Variants in OR1J2 observed in about 807,000 individuals in gnomAD.
OR1J2 encodes the protein olfactory receptor family 1 subfamily J member 2.
For missense variants in OR1J2, 304 were observed against 246.1 expected (o/e 1.24, Z -1.57); for synonymous variants, 142 against 99.7 (o/e 1.42, Z -2.52).
downstream of OR1J2, among the ~76,000 whole-genome samples, chr9:122,515,896 T>C (rs1466941852): frequency 2.6e-5 from 4 of 152,138 alleles, no homozygotes; most frequent in Admixed American, 6.5e-5. Context: ...CAACATCTAC[T>C]ACCCCAGTAA....
the OR1J2 span, chr9:122,568,218 A>G: frequency 1.2e-6 from 2 of 1,614,210 alleles, no homozygotes; most frequent in Admixed American, 1.7e-5. Flanking sequence ...CTTTTCTGAC[A>G]GGAAGTTCAT....
chr9:122,462,699 C>A, the OR1J2 span, among the ~76,000 whole-genome samples: 2,059 of 152,272 alleles, frequency 0.014, 19 homozygotes, highest in Middle Eastern at 0.024. Flanking sequence ...TCACTGGATA[C>A]AAAATTCTTG....
chr9:122,515,438 A>G (rs914763937), downstream of OR1J2, among the ~76,000 whole-genome samples: 1 of 147,888 alleles, frequency 6.8e-6, no homozygotes, highest in South Asian at 2.1e-4. Context: ...GTCATTTTTT[A>G]TTCCCAGTTC....
the OR1J2 span, among the ~76,000 whole-genome samples, chr9:122,502,218 A>G: frequency 6.6e-6 from 1 of 152,218 alleles, no homozygotes; most frequent in Non-Finnish European, 1.5e-5. Context: ...GAGTTCTCAG[A>G]GTCTGTGACA....
the OR1J2 span, chr9:122,477,000 G>A: frequency 1.5e-5 from 24 of 1,600,656 alleles, no homozygotes; most frequent in Middle Eastern, 1.6e-4. Context: ...GAGCCACTGC[G>A]CCTGACCTAC....
chr9:122,546,926 G>A, the OR1J2 span, among the ~76,000 whole-genome samples: 12 of 152,024 alleles, frequency 7.9e-5, no homozygotes, highest in South Asian at 2.1e-4. Flanking sequence ...CCATCATCTC[G>A]AACATTTATC....
chr9:122,513,046 T>G (rs764217274), downstream of OR1J2, among the ~76,000 whole-genome samples: 3 of 152,210 alleles, frequency 2.0e-5, no homozygotes, highest in Non-Finnish European at 4.4e-5. Flanking sequence ...GGCAGAATAT[T>G]GAACAATTTT....
At chr9:122,546,447 G>A in the OR1J2 span, among the ~76,000 whole-genome samples, 1 of 152,150 alleles carries the variant, frequency 6.6e-6, no homozygotes. Flanking sequence ...CTCTTAGAAC[G>A]TTTGCTCGCA....
At chr9:122,467,806 T>C in the OR1J2 span, among the ~76,000 whole-genome samples, 1,530 of 152,328 alleles carry the variant, frequency 0.01, 8 homozygotes, top group Middle Eastern at 0.054. Context: ...CTCTGAGTTA[T>C]AAACCATAGT....
the OR1J2 span, among the ~76,000 whole-genome samples, chr9:122,579,036 AT>A: frequency 6.6e-6 from 1 of 152,008 alleles, no homozygotes; most frequent in Non-Finnish European, 1.5e-5. Flanking sequence ...ACCTACTGAA[AT>A]TAAAAAAAAA....
the OR1J2 span, among the ~76,000 whole-genome samples, chr9:122,453,796 C>T: frequency 6.6e-6 from 1 of 152,218 alleles, no homozygotes; most frequent in African/African-American, 2.4e-5. Context: ...CTCCAATATG[C>T]TAGGCAGACA....
At chr9:122,568,374 A>C in the OR1J2 span, 10 of 1,613,806 alleles carry the variant, frequency 6.2e-6, no homozygotes, top group South Asian at 1.1e-4. Context: ...GACCAGGTAC[A>C]CGATGAGGAA....
the OR1J2 span, chr9:122,568,480 A>T: frequency 6.5e-7 from 1 of 1,545,942 alleles, no homozygotes; most frequent in Non-Finnish European, 8.8e-7. Flanking sequence ...CTTTCCATTG[A>T]CTTGGGCTCA....
the OR1J2 span, among the ~76,000 whole-genome samples, chr9:122,538,050 G>C: frequency 6.6e-6 from 1 of 152,050 alleles, no homozygotes; most frequent in South Asian, 2.1e-4. Flanking sequence ...TCGGGGGATG[G>C]AATTTTCCAT....
chr9:122,573,471 T>C, the OR1J2 span, among the ~76,000 whole-genome samples: 2 of 152,218 alleles, frequency 1.3e-5, no homozygotes, highest in African/African-American at 4.8e-5. Flanking sequence ...TCATTGTTGT[T>C]TTAATTTGAA....
At chr9:122,516,546 G>T (rs572006677), downstream of OR1J2, among the ~76,000 whole-genome samples, 1 of 151,886 alleles carries the variant, frequency 6.6e-6, no homozygotes, top group African/African-American at 2.4e-5. Context: ...CTCGTGATCC[G>T]CCCGCCTCGG....
At chr9:122,504,545 T>C in the OR1J2 span, among the ~76,000 whole-genome samples, 181 of 152,334 alleles carry the variant, frequency 1.2e-3, 1 homozygote, top group African/African-American at 4.2e-3. Flanking sequence ...TGTGCTTTTT[T>C]CTCAGTGGTA....
the OR1J2 span, among the ~76,000 whole-genome samples, chr9:122,459,622 A>G: frequency 6.6e-6 from 1 of 152,140 alleles, no homozygotes; most frequent in Admixed American, 6.6e-5. Flanking sequence ...GCTGGTTGTA[A>G]TCCTCATTTC....
chr9:122,450,152 G>A, the OR1J2 span, among the ~76,000 whole-genome samples: 23 of 152,024 alleles, frequency 1.5e-4, no homozygotes, highest in East Asian at 3.9e-4. Context: ...ATTCTTGGCC[G>A]TGCATGGTGG....
Sources: allele counts gnomAD v4.1 joint callset (sites outside exome capture counted in the v4.1 genomes callset), GRCh38; gene constraint gnomAD v4.1.1; transcripts MANE v1.5; gene names NCBI Gene and HGNC (gene_info 2026-07-23, HGNC 2026-07-21).